PARD3B: variants seen among roughly 807,000 people sequenced by gnomAD.
PARD3B encodes par-3 family cell polarity regulator beta, also known as partitioning defective 3 homolog B.
Under a neutral mutation model 130.2 loss-of-function variants are expected in PARD3B, and 103 were observed. The ratio of observed to expected loss-of-function variants is 0.79; its 90% CI spans 0.67 to 0.93. PARD3B has a LOEUF of 0.93. Among genes scored for constraint, PARD3B ranks in the 40% least tolerant of loss-of-function variants. PARD3B has a pLI of 0.00. For synonymous variants in PARD3B, 583 were observed against 553.2 expected (o/e 1.05, Z -0.76); for missense variants, 1,609 against 1,499.2 (o/e 1.07, Z -1.21).
intron 18 of PARD3B, among the ~76,000 whole-genome samples, chr2:205,320,291 A>C (rs1044724203): frequency 6.6e-6 from 1 of 152,000 alleles, no homozygotes; most frequent in Non-Finnish European, 1.5e-5. Flanking sequence ...CTCAAATATT[A>C]ATTCTAAAAG....
chr2:205,483,217 G>T (rs1466675918), intron 20 of PARD3B, among the ~76,000 whole-genome samples: 3 of 152,120 alleles, frequency 2.0e-5, no homozygotes, highest in Admixed American at 2.0e-4. Context: ...GGAACACTTT[G>T]GGTTTTGTGA....
chr2:204,894,883 T>C (rs999942757), intron 2 of PARD3B, among the ~76,000 whole-genome samples: 3 of 152,020 alleles, frequency 2.0e-5, no homozygotes, highest in African/African-American at 7.2e-5. Flanking sequence ...CTTTGGTCCA[T>C]AAAAGGAGAG....
Position 204,752,011 on chromosome 2 carries a change from A to G in PARD3B, c.222+65729A>G, listed in dbSNP as rs146018315. 1.1e-4 allele frequency among the ~76,000 whole-genome samples: 17 copies of G among 152,334 alleles called. 1 individual carries two copies. The East Asian group carries it at 2.7e-3, about 24-fold the overall frequency. Reference sequence around the variant, plus strand: ...CTGATCCCAATGTCAAATATGTCTTACTAGATATTTGCTTCACAAGAAAGA... The same window carrying G: ...CTGATCCCAATGTCAAATATGTCTTGCTAGATATTTGCTTCACAAGAAAGA... On this transcript the variant is annotated intron_variant, in intron 2 of 22. Coordinates refer to ENST00000406610, the MANE Select transcript of PARD3B (RefSeq NM_001302769.2).
At chr2:205,356,995 T>TATC (rs1456521525) in intron 18 of PARD3B, among the ~76,000 whole-genome samples, 1 of 152,130 alleles carries the variant, frequency 6.6e-6, no homozygotes, top group East Asian at 1.9e-4. Context: ...TTCAAACTAT[T>TATC]ATCTATTGTT....
chr2:205,214,968 C>T (rs1295495558), intron 15 of PARD3B, among the ~76,000 whole-genome samples: 5 of 152,064 alleles, frequency 3.3e-5, no homozygotes, highest in Admixed American at 1.3e-4. Context: ...AAAGGCGGCT[C>T]AGTCTAATTG....
chr2:204,842,051 C>T (rs181417676), intron 2 of PARD3B, among the ~76,000 whole-genome samples: 4 of 152,090 alleles, frequency 2.6e-5, no homozygotes, highest in East Asian at 3.9e-4. Context: ...AAAAATTCCC[C>T]GACTAAAAAT....
chr2:205,380,968 A>T (rs1375753695), intron 18 of PARD3B, among the ~76,000 whole-genome samples: 2 of 57,660 alleles, frequency 3.5e-5, no homozygotes, highest in African/African-American at 5.4e-5. Context: ...ATAATATCTA[A>T]AGAATATATT....
At chr2:205,212,537 G>A (rs944685067) in intron 15 of PARD3B, among the ~76,000 whole-genome samples, 43 of 152,108 alleles carry the variant, frequency 2.8e-4, no homozygotes, top group African/African-American at 1.0e-3. Context: ...GGGACACGTG[G>A]AGCAATGCTG....
At chr2:204,883,405 T>A (rs1169496844) in intron 2 of PARD3B, among the ~76,000 whole-genome samples, 9 of 101,318 alleles carry the variant, frequency 8.9e-5, no homozygotes, top group Non-Finnish European at 1.3e-4. Context: ...TATATATATA[T>A]TATATATATA....
At chr2:205,532,074 G>A (rs368079790) in intron 21 of PARD3B, among the ~76,000 whole-genome samples, 20 of 152,100 alleles carry the variant, frequency 1.3e-4, no homozygotes, top group African/African-American at 3.9e-4. Flanking sequence ...CTGCGAATGC[G>A]CTGGCATAAC....
intron 15 of PARD3B, among the ~76,000 whole-genome samples, chr2:205,210,586 T>G (rs1233736769): frequency 1.3e-5 from 2 of 152,120 alleles, no homozygotes; most frequent in Non-Finnish European, 2.9e-5. Context: ...GTTATCATTA[T>G]AATTTCTATA....
At chr2:204,828,106 A>G (rs1481932171) in intron 2 of PARD3B, among the ~76,000 whole-genome samples, 1 of 152,184 alleles carries the variant, frequency 6.6e-6, no homozygotes, top group Admixed American at 6.5e-5. Context: ...TCATTTCCTC[A>G]GCACTCATTT....
chr2:205,275,921 A>G (rs1187482519), intron 16 of PARD3B, among the ~76,000 whole-genome samples: 2 of 152,000 alleles, frequency 1.3e-5, no homozygotes, highest in Admixed American at 1.3e-4. Flanking sequence ...TTTCATATCA[A>G]TATCAACAGT....
chr2:204,604,568 C>T (rs947925711), intron 1 of PARD3B, among the ~76,000 whole-genome samples: 1 of 152,106 alleles, frequency 6.6e-6, no homozygotes, highest in Non-Finnish European at 1.5e-5. Context: ...TTTTGAACTT[C>T]TAAAATGACT....
intron 3 of PARD3B, among the ~76,000 whole-genome samples, chr2:204,979,099 G>C (rs1692446163): frequency 6.6e-6 from 1 of 151,926 alleles, no homozygotes; most frequent in African/African-American, 2.4e-5. Context: ...CCACCTACTT[G>C]GGAGGCTGAG....
At chr2:205,488,843 G>A (rs949401793) in intron 20 of PARD3B, among the ~76,000 whole-genome samples, 1 of 152,138 alleles carries the variant, frequency 6.6e-6, no homozygotes, top group Non-Finnish European at 1.5e-5. Context: ...CCAAGCCTCT[G>A]TTTGTGTCTA....
intron 1 of PARD3B, among the ~76,000 whole-genome samples, chr2:204,672,642 C>T (rs953382162): frequency 4.6e-5 from 7 of 152,114 alleles, no homozygotes; most frequent in Admixed American, 1.3e-4. Flanking sequence ...CATTTTGATC[C>T]AGGCATAGGA....
At chr2:204,916,862 T>C (rs1351959835) in intron 2 of PARD3B, among the ~76,000 whole-genome samples, 3 of 152,338 alleles carry the variant, frequency 2.0e-5, no homozygotes, top group Non-Finnish European at 4.4e-5. Flanking sequence ...AATTTCAGAT[T>C]CTTCATTTGT....
chr2:205,035,725 AG>A (rs1697770702), intron 3 of PARD3B, among the ~76,000 whole-genome samples: 2 of 148,924 alleles, frequency 1.3e-5, no homozygotes. Context: ...ACATAAAAAT[AG>A]TCCATTATAT....
Sources: gnomAD v4.1 joint callset for allele counts (sites outside exome capture counted in the v4.1 genomes callset) on GRCh38, gnomAD v4.1.1 for gene constraint, MANE v1.5 for transcripts, NCBI Gene and HGNC (gene_info 2026-07-23, HGNC 2026-07-21) for gene names.